The following ZFYVE1 variants were observed in gnomAD, a reference collection of about 807,000 sequenced individuals.
ZFYVE1 encodes the protein zinc finger FYVE-type containing 1.
A neutral mutation model predicts 74.4 loss-of-function variants in ZFYVE1; 30 were observed. That is an observed-to-expected ratio of 0.40 (90% CI 0.30 to 0.55). The LOEUF (loss-of-function observed/expected upper bound fraction) is 0.55, where lower values mean the gene tolerates loss of function less well. Ranked by LOEUF, ZFYVE1 falls within the 20% of genes least tolerant of loss-of-function variation. The probability of loss-of-function intolerance (pLI) is 0.42; values close to 1 mark genes in which losing one functional copy is unlikely to be tolerated. For synonymous variants in ZFYVE1, 335 were observed against 385.1 expected (o/e 0.87, Z 1.52); for missense variants, 703 against 1,011.6 (o/e 0.69, Z 4.14).
chr14:72,980,527 G>GAATT lies in ZFYVE1; in HGVS notation c.1310+1258_1310+1261dup, dbSNP rs35853251. Among the ~76,000 whole-genome samples, 1,145 of 140,750 alleles carry GAATT rather than the reference G, an allele frequency of 8.1e-3. 13 individuals are homozygous for GAATT. Among genetic ancestry groups the GAATT allele is most frequent in the East Asian group, 0.038 (166 of 4,316 alleles). The allele number at this position is 140,750 out of a possible 152,430, so 92.3% of individuals were successfully genotyped here. ...CCCCATGAACATCAGCATCACCTGA[G>GAATT]AATTAATTAATTTATTTATTTATTT... is the stretch of plus-strand genomic sequence containing the variant. On this transcript the variant is annotated intron_variant, in intron 5 of 11. Transcript: ENST00000556143.
chr14:73,023,396 T>G (rs1389182555), intron 2 of ZFYVE1, among the ~76,000 whole-genome samples: 5 of 128,328 alleles, frequency 3.9e-5, no homozygotes, highest in African/African-American at 1.1e-4. Context: ...TTTTATGTGT[T>G]TTATATATAA....
At chr14:72,971,188 G>T in intron 11 of ZFYVE1, 74 bp from the exon 12 acceptor site, 2 of 1,478,174 alleles carry the variant, frequency 1.4e-6, no homozygotes, top group South Asian at 1.2e-5. Context: ...GGCCATCCTC[G>T]GATGCTTACT....
chr14:73,026,820 C>T (rs1331323886), intron 1 of ZFYVE1, 106 bp downstream of exon 1: 1 of 325,492 alleles, frequency 3.1e-6, no homozygotes, highest in Admixed American at 5.0e-5. Flanking sequence ...CCGCACCCGC[C>T]CCCCCTTCCT....
intron 2 of ZFYVE1, among the ~76,000 whole-genome samples, chr14:73,013,624 AAAG>A (rs1222944860): frequency 6.6e-6 from 1 of 152,024 alleles, no homozygotes; most frequent in East Asian, 1.9e-4. Context: ...AAAAACAAGA[AAAG>A]AAGGGGAAAA....
intron 4 of ZFYVE1, among the ~76,000 whole-genome samples, chr14:72,984,011 G>A (rs570184431): frequency 9.9e-5 from 15 of 152,150 alleles, no homozygotes; most frequent in Non-Finnish European, 1.6e-4. Flanking sequence ...GTTGAGTCAG[G>A]TCAGGTGTAG....
At chr14:72,978,334 G>T in intron 6 of ZFYVE1, 100 bp from the exon 7 acceptor site, 1 of 1,134,830 alleles carries the variant, frequency 8.8e-7, no homozygotes, top group Non-Finnish European at 1.3e-6. Flanking sequence ...GAACTCCTGG[G>T]CTCAAGCAAT....
At chr14:72,976,848 G>A (rs1893185564) in intron 8 of ZFYVE1, among the ~76,000 whole-genome samples, 1 of 151,934 alleles carries the variant, frequency 6.6e-6, no homozygotes, top group Admixed American at 6.6e-5. Flanking sequence ...ATAGGATCCA[G>A]GAAAGCTCAG....
At chr14:72,986,767 T>A (rs1270350177) in intron 4 of ZFYVE1, 1 of 479,534 alleles carries the variant, frequency 2.1e-6, no homozygotes, top group East Asian at 1.5e-4. Flanking sequence ...TGACCTCAAG[T>A]GATCCACCTG....
In ZFYVE1 at chr14:72,978,121, T is replaced by C. The variant is rs376142821; in HGVS notation, c.1517+16A>G. The C allele has an allele frequency of 2.5e-6, 4 of 1,614,062 alleles. No homozygotes were observed. The highest frequency in any genetic ancestry group is 2.5e-6 in the Non-Finnish European group (3 of 1,179,944). On this transcript the variant is annotated intron_variant, in intron 7 of 11. Transcript: ENST00000556143. ...AAACGCACCAGAAAACCTTGAGCCA[T>C]GTTGTTTAAACTCACCCAGACCAGG...
At chr14:73,017,635 C>A (rs1374202830) in intron 2 of ZFYVE1, among the ~76,000 whole-genome samples, 7 of 152,168 alleles carry the variant, frequency 4.6e-5, no homozygotes, top group Admixed American at 4.6e-4. Context: ...CCTACTCCCT[C>A]ACTCCTCCAT....
chr14:72,976,159 G>A (rs1370042899), intron 8 of ZFYVE1, among the ~76,000 whole-genome samples: 1 of 152,122 alleles, frequency 6.6e-6, no homozygotes, highest in African/African-American at 2.4e-5. Flanking sequence ...AAAGTAACTA[G>A]CTCAGTGCTG....
At chr14:72,976,782 CAAAA>C (rs61560948) in intron 8 of ZFYVE1, among the ~76,000 whole-genome samples, 2 of 76,230 alleles carry the variant, frequency 2.6e-5, no homozygotes, top group South Asian at 3.8e-4. Flanking sequence ...GACTCCATCT[CAAAA>C]AAAAAAAAAA....
At chr14:73,000,004 A>G (rs1372447637) in intron 2 of ZFYVE1, among the ~76,000 whole-genome samples, 1 of 152,226 alleles carries the variant, frequency 6.6e-6, no homozygotes, top group Non-Finnish European at 1.5e-5. Flanking sequence ...GACTGCAGTG[A>G]GCCGAGATTG....
intron 2 of ZFYVE1, among the ~76,000 whole-genome samples, chr14:73,021,186 AC>A (rs1450752044): frequency 3.9e-5 from 6 of 151,918 alleles, no homozygotes; most frequent in South Asian, 4.2e-4. Context: ...CTCTACTAAA[AC>A]AAACACAAAA....
rs535327336 is a variant in ZFYVE1 at position 72,980,354 on chromosome 14, G to A, written c.1311-1385C>T. Among the ~76,000 whole-genome samples, 6 of 152,240 alleles carry A rather than the reference G, an allele frequency of 3.9e-5. No homozygotes were observed. The South Asian group carries it at 8.3e-4, about 21-fold the overall frequency. On this transcript the variant is annotated intron_variant, in intron 5 of 11. Coordinates refer to ENST00000556143, the MANE Select transcript of ZFYVE1 (RefSeq NM_021260.4). ...AGCAAAGACAATTTGGTAGTGAAGA[G>A]TGGAAGGGATTGTCTACAGGACATG...
At chr14:73,000,557 C>T (rs1226211288) in intron 2 of ZFYVE1, among the ~76,000 whole-genome samples, 1 of 151,496 alleles carries the variant, frequency 6.6e-6, no homozygotes, top group Non-Finnish European at 1.5e-5. Flanking sequence ...TGAACCATGA[C>T]TGCACCACTC....
In ZFYVE1 at chr14:72,978,897, G is replaced by A. The variant is rs745638081; in HGVS notation, c.1383C>T (p.Tyr461=). Residue 461 remains tyrosine, a synonymous_variant, in exon 6 of 12, where the codon TAC becomes TAT. Coordinates refer to ENST00000556143, the MANE Select transcript of ZFYVE1 (RefSeq NM_021260.4). Reference sequence around the variant, plus strand: ...ACACTCGGTTGTCATACTGGTGGGAGTATCTGCAGCGGCTCTTGGCTTCAT... The same window carrying A: ...ACACTCGGTTGTCATACTGGTGGGAATATCTGCAGCGGCTCTTGGCTTCAT... ...VPHEAKSRCR[Y]SHQYDNRVYT... 2.5e-6 allele frequency: 4 copies of A among 1,614,044 alleles called. No individual in the cohort carries two copies. The Admixed American group carries it at 6.7e-5, about 27-fold the overall frequency.
intron 2 of ZFYVE1, among the ~76,000 whole-genome samples, chr14:73,013,890 C>G (rs574319101): frequency 8.5e-5 from 13 of 152,274 alleles, no homozygotes; most frequent in African/African-American, 2.9e-4. Flanking sequence ...GAAGACTCCC[C>G]AGAAAAGTCT....
intron 4 of ZFYVE1, among the ~76,000 whole-genome samples, chr14:72,983,673 T>C (rs1893402003): frequency 6.6e-6 from 1 of 152,144 alleles, no homozygotes; most frequent in Non-Finnish European, 1.5e-5. Flanking sequence ...CGTGTGCATG[T>C]GTCTTTGTAG....
Sources: gnomAD v4.1 joint callset for allele counts (sites outside exome capture counted in the v4.1 genomes callset) on GRCh38, gnomAD v4.1.1 for gene constraint, MANE v1.5 for transcripts, NCBI Gene and HGNC (gene_info 2026-07-23, HGNC 2026-07-21) for gene names.